ZNF467: variants seen among roughly 807,000 people sequenced by gnomAD.
The protein encoded by ZNF467 is zinc finger protein EZI.
Under a neutral mutation model 47.8 loss-of-function variants are expected in ZNF467, and 51 were observed. That is an observed-to-expected ratio of 1.07 (90% CI 0.85 to 1.35). ZNF467 has a LOEUF of 1.35. Among genes scored for constraint, ZNF467 ranks in the 40% most tolerant of loss-of-function variants. The probability of loss-of-function intolerance (pLI) is 0.00; values close to 1 mark genes in which losing one functional copy is unlikely to be tolerated. For missense variants in ZNF467, 992 were observed against 858.1 expected (o/e 1.16, Z -1.95); for synonymous variants, 416 against 372.9 (o/e 1.12, Z -1.33).
rs1400329114 is a variant in ZNF467 at position 149,765,563 on chromosome 7, C to T, written c.939G>A (p.Gln313=). ...GCACCCTTTGGTGCCGCACCAAGTG[C>T]TGCTTGTGCGTGAAGCTGCGTGCGC... The part of the protein sequence containing the change: ...AQCARSFTHK[Q]HLVRHQRVHQ... The change falls in exon 5 of 5, where the codon CAG becomes CAA. Residue 313 remains glutamine, a synonymous_variant. Transcript: ENST00000302017. 1 of 1,587,616 alleles carries T rather than the reference C, an allele frequency of 6.3e-7. No individual in the cohort carries two copies. The highest frequency in any genetic ancestry group is 8.6e-7 in the Non-Finnish European group (1 of 1,166,914).
intron 4 of ZNF467, among the ~76,000 whole-genome samples, chr7:149,767,059 G>A (rs921892089): frequency 6.6e-6 from 1 of 152,228 alleles, no homozygotes; most frequent in African/African-American, 2.4e-5. Flanking sequence ...TGCTGCAATG[G>A]TCCAGCCTAG....
In ZNF467 at chr7:149,764,519, G is replaced by C; in HGVS notation, c.*195C>G. On this transcript the variant is annotated 3_prime_UTR_variant, in exon 5 of 5. Coordinates refer to ENST00000302017, the MANE Select transcript of ZNF467 (RefSeq NM_207336.3). ...TTCAGCTCAGCGGTTCCCAGCAAGG[G>C]TTCGCTGAGTCTCTGTCCTAGGAGG... The C allele has an allele frequency of 9.8e-7, 1 of 1,021,226 alleles. No homozygotes were observed. The highest frequency in any genetic ancestry group is 1.5e-6 in the Non-Finnish European group (1 of 677,198). 63.3% of individuals were successfully genotyped at this position (1,021,226 alleles called of 1,614,324 possible).
At chr7:149,774,864 G>A (rs1799531593), upstream of ZNF467, among the ~76,000 whole-genome samples, 1 of 152,162 alleles carries the variant, frequency 6.6e-6, no homozygotes, top group African/African-American at 2.4e-5. The surrounding 1 kb of genome is among the most constrained non-coding windows in gnomAD (Gnocchi z 5.7). Flanking sequence ...CCAGGAGAAG[G>A]AGAGCCCGGC....
Position 149,765,888 on chromosome 7 carries a change from A to G in ZNF467, c.614T>C (p.Leu205Pro). 1 of 1,589,450 alleles carries G rather than the reference A, an allele frequency of 6.3e-7. No homozygotes were observed. Among genetic ancestry groups the G allele is most frequent in the Non-Finnish European group, 8.6e-7 (1 of 1,168,766 alleles). The change falls in exon 5 of 5, where the codon CTG becomes CCG. Residue 205 changes from leucine (L) to proline (P), a missense_variant. Coordinates refer to ENST00000302017, the MANE Select transcript of ZNF467 (RefSeq NM_207336.3). ...RSFTQRAHML[L>P]HQRSHRGERP... Reference sequence around the variant, plus strand: ...CTCGCCGCGGTGGCTGCGCTGATGCAGTAGCATGTGGGCGCGCTGCGTGAA... The same window carrying G: ...CTCGCCGCGGTGGCTGCGCTGATGCGGTAGCATGTGGGCGCGCTGCGTGAA...
At chr7:149,774,425 ACTCGGGTCT>A, upstream of ZNF467, among the ~76,000 whole-genome samples, 1 of 152,008 alleles carries the variant, frequency 6.6e-6, no homozygotes. This position sits in a 1 kb window ranked among gnomAD's most constrained non-coding sequence, Gnocchi z 5.7. Context: ...GGTGACTGCA[ACTCGGGTCT>A]CTTCCCAATC....
chr7:149,774,132 C>T (rs376853500), upstream of ZNF467, among the ~76,000 whole-genome samples: 3 of 150,266 alleles, frequency 2.0e-5, no homozygotes, highest in East Asian at 2.0e-4. This position sits in a 1 kb window ranked among gnomAD's most constrained non-coding sequence, Gnocchi z 5.7. Context: ...GCTCTATGGG[C>T]GGGAGACGAT....
rs1004691981 is a variant in ZNF467, at chr7:149,764,785, G to T, written c.1717C>A (p.Pro573Thr). ...GCTGGGGCCGCAAGGGCGGCGTCCG[G>T]GGCCGCGTGGGCGGCTTCGCCGTGA... is the stretch of plus-strand genomic sequence containing the variant. The part of the protein sequence containing the change: ...LIHGEAAHAA[P>T]DAALAAPAWS... Residue 573 changes from proline (P) to threonine (T), a missense_variant, in exon 5 of 5, where the codon CCG becomes ACG. Transcript: ENST00000302017. 1 of 1,523,584 alleles carries T rather than the reference G, an allele frequency of 6.6e-7. No individual in the cohort carries two copies. The highest frequency in any genetic ancestry group is 2.3e-5 in the East Asian group (1 of 43,844). The allele number at this position is 1,523,584 out of a possible 1,614,324, so 94.4% of individuals were successfully genotyped here.
rs140993808 is a variant in ZNF467, at chr7:149,769,182, G to A, written c.170C>T (p.Pro57Leu). The change falls in exon 4 of 5, where the codon CCG becomes CTG. Residue 57 changes from proline to leucine, a missense_variant. Pro to Leu is a moderately conservative substitution (Grantham distance 98, BLOSUM62 -3). Transcript: ENST00000302017. The surrounding 1 kb of genome is among the most constrained non-coding windows in gnomAD (Gnocchi z 5.3). ...GVCSGHEAPT[P>L]EEGAHTEQAE... ...TTGTTCTGTGTGGGCACCTTCCTCC[G>A]GTGTAGGGGCCTCGTGCCCTGGCAG... The A allele has an allele frequency of 1.5e-5, 24 of 1,558,772 alleles. No individual in the cohort carries two copies. The highest frequency in any genetic ancestry group is 1.1e-4 in the African/African-American group (8 of 73,432).
Position 149,766,006 on chromosome 7 carries a change from C to T in ZNF467, c.496G>A (p.Glu166Lys). 2 of 1,567,460 alleles carry T rather than the reference C, an allele frequency of 1.3e-6. No homozygotes were observed. The highest frequency in any genetic ancestry group is 1.7e-4 in the Middle Eastern group (1 of 5,996). The stretch of plus-strand genomic sequence containing the variant: ...GTCAGCTGGTCCCGGAAGCGCCGCT[C>T]ACACTCCCCGCAGCCGTAGGGCTTC... ...PEKPYGCGEC[E>K]RRFRDQLTLR... The change falls in exon 5 of 5, where the codon GAG (glutamate) becomes AAG (lysine). Residue 166 changes from glutamate (E) to lysine (K), a missense_variant. Physicochemically the swap from Glu to Lys is moderately conservative, Grantham distance 56. Coordinates refer to ENST00000302017, the MANE Select transcript of ZNF467 (RefSeq NM_207336.3).
Position 149,766,178 on chromosome 7 carries a change from C to A in ZNF467, c.324G>T (p.Glu108Asp). The A allele has an allele frequency of 6.4e-7, 1 of 1,560,940 alleles. No homozygotes were observed. Among genetic ancestry groups the A allele is most frequent in the Non-Finnish European group, 8.7e-7 (1 of 1,150,644 alleles). The part of the protein sequence containing the change: ...VEDEDQEAEE[E>D]VEWPQHLSLL... ...ACGATAGATGCTGGGGCCATTCGAC[C>A]TCCTCTTCTGCCTCCTGATCTTCGT... Residue 108 changes from glutamate (E) to aspartate (D), a missense_variant, in exon 5 of 5, where the codon GAG (glutamate) becomes GAT (aspartate). Coordinates refer to ENST00000302017, the MANE Select transcript of ZNF467 (RefSeq NM_207336.3).
At chr7:149,773,892 A>C (rs915631044), upstream of ZNF467, among the ~76,000 whole-genome samples, 8 of 152,070 alleles carry the variant, frequency 5.3e-5, no homozygotes, top group African/African-American at 1.9e-4. Context: ...CCCGATTCGA[A>C]ACCAGCCGCG....
upstream of ZNF467, among the ~76,000 whole-genome samples, chr7:149,775,506 T>C (rs1274320198): frequency 6.6e-6 from 1 of 152,130 alleles, no homozygotes; most frequent in African/African-American, 2.4e-5. Flanking sequence ...ATGGCCCTCT[T>C]GAGAATCTAA....
Position 149,770,476 on chromosome 7 carries a change from A to G in ZNF467, c.115T>C (p.Ser39Pro). The G allele has an allele frequency of 6.2e-7, 1 of 1,613,514 alleles. No homozygotes were observed. Among genetic ancestry groups the G allele is most frequent in the South Asian group, 1.1e-5 (1 of 91,030 alleles). Residue 39 changes from serine to proline, a missense_variant, in exon 3 of 5, where the codon TCT becomes CCT. Transcript: ENST00000302017. ...GSHNAQEQMS[S>P]SREERALGVC... ...CCCAGTGCTCTCTCTTCCCTAGAAGAGGACATCTGCTCCTGGGCATTATGG... is the reference window on the plus strand; with the variant it reads ...CCCAGTGCTCTCTCTTCCCTAGAAGGGGACATCTGCTCCTGGGCATTATGG...
In ZNF467 at chr7:149,764,335, C is replaced by T. The variant is rs765333996; in HGVS notation, c.*379G>A. 5.3e-5 allele frequency: 28 copies of T among 532,694 alleles called. No individual in the cohort carries two copies. Among genetic ancestry groups the T allele is most frequent in the Non-Finnish European group, 8.6e-5 (26 of 303,610 alleles). 33.0% of individuals were successfully genotyped at this position (532,694 alleles called of 1,614,324 possible). A position where few individuals can be genotyped will look rare whatever the true frequency, so the allele number is the denominator to read the frequency against. On this transcript the variant is annotated 3_prime_UTR_variant, in exon 5 of 5. Transcript: ENST00000302017. ...GGCTAAGGAGAGTCAGGTGTTCCCT[C>T]CCCCAATTCATTTAGCAGCCCCAGA...
chr7:149,766,462 C>T (rs1257577226), intron 4 of ZNF467, among the ~76,000 whole-genome samples: 1 of 152,218 alleles, frequency 6.6e-6, no homozygotes, highest in Non-Finnish European at 1.5e-5. Context: ...GGGCTTCTTC[C>T]CCGGCCTGGA....
intron 4 of ZNF467, among the ~76,000 whole-genome samples, chr7:149,767,237 G>A (rs1001748341): frequency 3.9e-5 from 6 of 152,386 alleles, no homozygotes; most frequent in South Asian, 2.1e-4. Flanking sequence ...AAGCTCCCAC[G>A]CCTGTGCTGC....
Position 149,765,216 on chromosome 7 carries a change from C to G in ZNF467, c.1286G>C (p.Arg429Pro). ...CCCGCAGTCCGGGCAGAAGAAGGAC[C>G]GCTCGCCCGAGGGGGCGCGCTGGGG... ...VVPQRAPSGE[R>P]SFFCPDCGRG... is the part of the protein sequence containing the mutation. The change falls in exon 5 of 5, where the codon CGG becomes CCG. Residue 429 changes from arginine (R) to proline (P), a missense_variant. Arg to Pro is a moderately radical substitution (Grantham distance 103, BLOSUM62 -2). Coordinates refer to ENST00000302017, the MANE Select transcript of ZNF467 (RefSeq NM_207336.3). 2.7e-6 allele frequency: 4 copies of G among 1,497,446 alleles called. No individual in the cohort carries two copies. The highest frequency in any genetic ancestry group is 3.5e-6 in the Non-Finnish European group (4 of 1,127,324). 92.8% of individuals were successfully genotyped at this position (1,497,446 alleles called of 1,614,324 possible). A position where few individuals can be genotyped will look rare whatever the true frequency, so the allele number is the denominator to read the frequency against.
intron 4 of ZNF467, 128 bp downstream of exon 4, chr7:149,768,962 G>A (rs113680332): frequency 2.7e-6 from 2 of 727,430 alleles, no homozygotes; most frequent in African/African-American, 1.8e-5. Flanking sequence ...AACTCAACTT[G>A]GGTTAGAAGG....
intron 2 of ZNF467, among the ~76,000 whole-genome samples, 169 bp from the exon 3 acceptor site, chr7:149,770,725 TTTGAG>T (rs199925620): frequency 0.012 from 1,772 of 152,330 alleles, 14 homozygotes; most frequent in Middle Eastern, 0.041. Context: ...CCTCAGTCCC[TTTGAG>T]TTGAGTCAAA....
Sources: gnomAD v4.1 joint callset for allele counts (sites outside exome capture counted in the v4.1 genomes callset) on GRCh38, gnomAD v4.1.1 for gene constraint, Gnocchi (gnomAD v3.1) non-coding constraint, MANE v1.5 for transcripts, NCBI Gene and HGNC (gene_info 2026-07-23, HGNC 2026-07-21) for gene names.